The following SORCS3 variants were observed in gnomAD, a reference collection of about 807,000 sequenced individuals.
SORCS3 encodes sortilin related VPS10 domain containing receptor 3.
Under a neutral mutation model 146.3 loss-of-function variants are expected in SORCS3, and 57 were observed. The ratio of observed to expected loss-of-function variants is 0.39; its 90% CI spans 0.31 to 0.49. The LOEUF is 0.49. Among genes scored for constraint, SORCS3 ranks in the 20% least tolerant of loss-of-function variants. SORCS3 has a pLI of 0.92. For missense variants in SORCS3, 1,341 were observed against 1,575.5 expected, an observed-to-expected ratio of 0.85 and a Z score of 2.52; for synonymous variants, 653 against 618.5, an observed-to-expected ratio of 1.06 and a Z score of -0.83.
Position 105,263,822 on chromosome 10 carries a change from A to T in SORCS3, c.*448A>T. On this transcript the variant is annotated 3_prime_UTR_variant, in exon 27 of 27. Transcript: ENST00000369701. ...GCAGGAAGTAGGTTGGTGGGGGTGGATGTAGCTGCAGAAAGCATGCACAAC... is the reference window on the plus strand; with the variant it reads ...GCAGGAAGTAGGTTGGTGGGGGTGGTTGTAGCTGCAGAAAGCATGCACAAC... 6.3e-6 allele frequency: 1 copy of T among 159,190 alleles called. No individual in the cohort carries two copies. Among genetic ancestry groups the T allele is most frequent in the African/African-American group, 2.4e-5 (1 of 41,552 alleles). 9.9% of individuals were successfully genotyped at this position (159,190 alleles called of 1,614,324 possible).
chr10:105,059,932 C>T (rs1589613428), intron 5 of SORCS3, among the ~76,000 whole-genome samples: 1 of 152,176 alleles, frequency 6.6e-6, no homozygotes, highest in Non-Finnish European at 1.5e-5. Flanking sequence ...GATGTACCAG[C>T]AAAATACATA....
intron 7 of SORCS3, among the ~76,000 whole-genome samples, chr10:105,107,266 C>T (rs1279091265): frequency 6.6e-6 from 1 of 151,024 alleles, no homozygotes; most frequent in Non-Finnish European, 1.5e-5. Flanking sequence ...TTATTCCATT[C>T]TCATTGTTAT....
At chr10:104,663,534 A>T (rs940609239) in intron 1 of SORCS3, among the ~76,000 whole-genome samples, 1 of 152,026 alleles carries the variant, frequency 6.6e-6, no homozygotes, top group African/African-American at 2.4e-5. Context: ...GGCATCTCTG[A>T]TATGTTGTTA....
At chr10:104,830,063 C>G (rs2017983539) in intron 1 of SORCS3, among the ~76,000 whole-genome samples, 3 of 152,052 alleles carry the variant, frequency 2.0e-5, no homozygotes, top group African/African-American at 7.2e-5. Flanking sequence ...GCCCCCCAAC[C>G]CCCGACAGGC....
At chr10:105,230,751 A>C (rs1217912306) in intron 20 of SORCS3, among the ~76,000 whole-genome samples, 1 of 152,156 alleles carries the variant, frequency 6.6e-6, no homozygotes, top group Non-Finnish European at 1.5e-5. Context: ...GGGGATGTCA[A>C]CAGGGCTCCA....
At chr10:105,171,589 A>G (rs1210029711) in intron 13 of SORCS3, among the ~76,000 whole-genome samples, 1 of 152,314 alleles carries the variant, frequency 6.6e-6, no homozygotes, top group East Asian at 1.9e-4. Flanking sequence ...AAACTTTCAA[A>G]TGAAAACAAT....
chr10:105,124,884 T>TCGG (rs2055962198), intron 7 of SORCS3, among the ~76,000 whole-genome samples: 2 of 152,156 alleles, frequency 1.3e-5, no homozygotes, highest in Non-Finnish European at 2.9e-5. Context: ...GAACAGAAAG[T>TCGG]CGGCTGTACC....
At chr10:105,019,595 T>C (rs1340953253) in intron 4 of SORCS3, among the ~76,000 whole-genome samples, 2 of 152,190 alleles carry the variant, frequency 1.3e-5, no homozygotes, top group Non-Finnish European at 2.9e-5. Context: ...CACACCCCTC[T>C]GAAGCTGAAC....
At chr10:105,247,162 C>T (rs1301763833) in intron 21 of SORCS3, 57 bp from the exon 22 acceptor site, 2 of 958,518 alleles carry the variant, frequency 2.1e-6, no homozygotes, top group East Asian at 2.6e-5. Flanking sequence ...CCACACCTGT[C>T]ACACCCTCTC....
intron 20 of SORCS3, among the ~76,000 whole-genome samples, chr10:105,236,935 T>A (rs1484249): frequency 0.57 from 85,968 of 151,934 alleles, 24,595 homozygotes; most frequent in East Asian, 0.75. Context: ...GCAATCAATC[T>A]ATCTATCTAT....
chr10:105,242,489 T>TATATTTATTTATATTTATATAC (rs2056833800), intron 20 of SORCS3, among the ~76,000 whole-genome samples: 1 of 21,390 alleles, frequency 4.7e-5, no homozygotes, highest in African/African-American at 1.9e-4. Context: ...TATATTTATA[T>TATATTTATTTATATTTATATAC]ATTTATATAT....
rs1011231043 is a variant in SORCS3, at chr10:104,824,962, A to G, written c.628-17830A>G. 7.9e-5 allele frequency among the ~76,000 whole-genome samples: 12 copies of G among 152,328 alleles called. No homozygotes were observed. The South Asian group carries it at 2.5e-3, about 32-fold the overall frequency. Reference sequence around the variant, plus strand: ...AGGGTTGGATCACACACCAGGCAAAATGAACTTGGATGGACCTGTGATCTT... The same window carrying G: ...AGGGTTGGATCACACACCAGGCAAAGTGAACTTGGATGGACCTGTGATCTT... On this transcript the variant is annotated intron_variant, in intron 1 of 26. Transcript: ENST00000369701.
rs190351422 is a variant in SORCS3 at position 105,014,011 on chromosome 10, G to C, written c.955-29044G>C. Among the ~76,000 whole-genome samples the C allele has an allele frequency of 9.8e-3, 1,401 of 142,452 alleles. 20 individuals carry two copies. The highest frequency in any genetic ancestry group is 0.034 in the African/African-American group (1,309 of 38,448). The allele number at this position is 142,452 out of a possible 152,430, so 93.5% of individuals were successfully genotyped here. A position where few individuals can be genotyped will look rare whatever the true frequency, so the allele number is the denominator to read the frequency against. On this transcript the variant is annotated intron_variant, in intron 4 of 26. Transcript: ENST00000369701. Reference sequence around the variant, plus strand: ...CACACACACACACACACACACACAGGCATGGGAAAATTGACAAATGGTACA... The same window carrying C: ...CACACACACACACACACACACACAGCCATGGGAAAATTGACAAATGGTACA...
intron 1 of SORCS3, among the ~76,000 whole-genome samples, chr10:104,704,432 C>T (rs561043677): frequency 7.2e-4 from 109 of 152,254 alleles, no homozygotes; most frequent in South Asian, 2.1e-3. Context: ...TGGCTTCAGC[C>T]TCCCAAAAAG....
At chr10:104,708,270 CG>C (rs1036502670) in intron 1 of SORCS3, among the ~76,000 whole-genome samples, 1 of 152,144 alleles carries the variant, frequency 6.6e-6, no homozygotes, top group Non-Finnish European at 1.5e-5. Context: ...ATTGGTGCCC[CG>C]GATCAGCCCA....
intron 4 of SORCS3, among the ~76,000 whole-genome samples, chr10:105,004,072 A>G (rs1384755295): frequency 6.8e-6 from 1 of 148,040 alleles, no homozygotes; most frequent in Non-Finnish European, 1.5e-5. Context: ...CAGGTGTGAT[A>G]AAAGTTCTCT....
chr10:105,086,277 T>C (rs1228082789), intron 5 of SORCS3, among the ~76,000 whole-genome samples: 1 of 152,072 alleles, frequency 6.6e-6, no homozygotes, highest in African/African-American at 2.4e-5. Context: ...GGTAGACAGC[T>C]CCATAAAGGA....
intron 1 of SORCS3, among the ~76,000 whole-genome samples, chr10:104,725,730 G>C (rs1589474528): frequency 6.6e-6 from 1 of 152,222 alleles, no homozygotes; most frequent in Non-Finnish European, 1.5e-5. Context: ...TCAGACTGCT[G>C]TGCTAGCAAT....
chr10:104,738,102 T>G (rs930499396), intron 1 of SORCS3, among the ~76,000 whole-genome samples: 2 of 152,182 alleles, frequency 1.3e-5, no homozygotes, highest in Non-Finnish European at 2.9e-5. Context: ...GCGGCGTTAT[T>G]TCTGAGCGCT....
Sources: allele counts gnomAD v4.1 joint callset (sites outside exome capture counted in the v4.1 genomes callset), GRCh38; gene constraint gnomAD v4.1.1; transcripts MANE v1.5; gene names NCBI Gene and HGNC (gene_info 2026-07-23, HGNC 2026-07-21).